GLRA2: variants seen among roughly 807,000 people sequenced by gnomAD.
The protein encoded by GLRA2 is glycine receptor subunit alpha-2.
In GLRA2, 11 loss-of-function variants were observed where a neutral mutation model predicts 31.6. The ratio of observed to expected loss-of-function variants is 0.35; its 90% CI spans 0.22 to 0.58. The LOEUF (loss-of-function observed/expected upper bound fraction) is 0.58, where lower values mean the gene tolerates loss of function less well. Ranked by LOEUF, GLRA2 falls within the 20% of genes least tolerant of loss-of-function variation. The pLI, the probability that GLRA2 is intolerant of heterozygous loss-of-function variation, is 0.84. For synonymous variants in GLRA2, 132 were observed against 134.0 expected, an observed-to-expected ratio of 0.99 and a Z score of 0.10; for missense variants, 212 against 351.8, an observed-to-expected ratio of 0.60 and a Z score of 3.18.
chrX:14,494,015 T>TA, the GLRA2 span, among the ~76,000 whole-genome samples: 2 of 110,731 alleles, frequency 1.8e-5, no homozygotes, highest in Non-Finnish European at 3.8e-5. Flanking sequence ...GAACTGCAAC[T>TA]ACACACAATA....
At position 14,630,238 on chromosome X, in the gene GLRA2, T is replaced by TC. The variant is rs2090629572; in HGVS notation, c.930+21038dup. ...TATAAAATATTAGATGGACCTTTTT[T>TC]CCCCCTAATAAGTAGCTTAAAGATG... On this transcript the variant is annotated intron_variant, in intron 7 of 8. Transcript: ENST00000218075. 4.5e-5 allele frequency among the ~76,000 whole-genome samples: 5 copies of TC among 111,943 alleles called. No homozygotes were observed. In the South Asian group the frequency reaches 1.8e-3, roughly 41 times the overall value.
At chrX:14,726,631 T>A (rs1379690482) in intron 8 of GLRA2, among the ~76,000 whole-genome samples, 1 of 112,465 alleles carries the variant, frequency 8.9e-6, no homozygotes, top group African/African-American at 3.2e-5. Context: ...GCCCCCACAG[T>A]TTGCATGACG....
chrX:14,530,788 C>T (rs1027904209), intron 1 of GLRA2, among the ~76,000 whole-genome samples: 4 of 111,522 alleles, frequency 3.6e-5, no homozygotes, highest in African/African-American at 1.3e-4. Context: ...CTTGCATTTT[C>T]TACATGGTTT....
At chrX:14,484,857 G>A in the GLRA2 span, among the ~76,000 whole-genome samples, 1 of 111,949 alleles carries the variant, frequency 8.9e-6, no homozygotes, top group African/African-American at 3.2e-5. Context: ...TTGGTCGACA[G>A]CAGCAGAGAG....
intron 3 of GLRA2, among the ~76,000 whole-genome samples, chrX:14,576,433 C>A (rs1475982298): frequency 9.0e-6 from 1 of 111,021 alleles, no homozygotes; most frequent in Non-Finnish European, 1.9e-5. Flanking sequence ...CCCCTCTTGG[C>A]TTTATCGTAA....
the GLRA2 span, among the ~76,000 whole-genome samples, chrX:14,484,716 T>G: frequency 3.6e-5 from 4 of 111,706 alleles, no homozygotes; most frequent in Non-Finnish European, 7.5e-5. Context: ...TGGACTTAGA[T>G]GTATAGAGGG....
chrX:14,685,791 G>A (rs1569521723), intron 7 of GLRA2, among the ~76,000 whole-genome samples: 1 of 111,472 alleles, frequency 9.0e-6, no homozygotes, highest in African/African-American at 3.3e-5. Context: ...TTTTTGAAGG[G>A]TTTTTTGTGT....
chrX:14,455,157 C>G, the GLRA2 span, among the ~76,000 whole-genome samples: 4 of 111,443 alleles, frequency 3.6e-5, no homozygotes, highest in African/African-American at 1.3e-4. Context: ...GAATGGCCTA[C>G]CAAAGATATA....
At chrX:14,474,247 G>T in the GLRA2 span, among the ~76,000 whole-genome samples, 1 of 111,286 alleles carries the variant, frequency 9.0e-6, no homozygotes, top group Non-Finnish European at 1.9e-5. Flanking sequence ...TCTCATGTAT[G>T]GTCAGATAAT....
intron 4 of GLRA2, among the ~76,000 whole-genome samples, chrX:14,592,540 C>T (rs1381572606): frequency 9.1e-6 from 1 of 110,429 alleles, no homozygotes; most frequent in African/African-American, 3.3e-5. Context: ...GGCTTGGTGG[C>T]GTGTGTTTGT....
chrX:14,614,978 A>G (rs768778854), intron 7 of GLRA2, among the ~76,000 whole-genome samples: 1 of 112,143 alleles, frequency 8.9e-6, no homozygotes, highest in South Asian at 3.7e-4. Flanking sequence ...AAGAGTCTCT[A>G]GACAGCATTT....
intron 7 of GLRA2, among the ~76,000 whole-genome samples, chrX:14,676,378 C>A (rs2091145980): frequency 8.9e-6 from 1 of 112,327 alleles, no homozygotes; most frequent in Non-Finnish European, 1.9e-5. Flanking sequence ...CTATGAATTT[C>A]ATTTTGTTTC....
intron 7 of GLRA2, among the ~76,000 whole-genome samples, chrX:14,633,897 C>G (rs2090679679): frequency 9.0e-6 from 1 of 111,569 alleles, no homozygotes; most frequent in Non-Finnish European, 1.9e-5. Flanking sequence ...GGTCCATCAC[C>G]CAACACATGG....
At chrX:14,599,353 T>C (rs1459982043) in intron 4 of GLRA2, among the ~76,000 whole-genome samples, 1 of 112,421 alleles carries the variant, frequency 8.9e-6, no homozygotes, top group African/African-American at 3.2e-5. Flanking sequence ...TGCTGGTCAA[T>C]GTCTGCCAGT....
Position 14,672,776 on chromosome X carries a change from A to G in GLRA2, c.931-17934A>G, listed in dbSNP as rs1414540286. ...CCTTTTCTTGTTTTCTCCTCCCCAC[A>G]TGGAACCTGGAGCGTGGTGGATGCC... On this transcript the variant is annotated intron_variant, in intron 7 of 8. Transcript: ENST00000218075. Among the ~76,000 whole-genome samples, 4 of 111,791 alleles carry G rather than the reference A, an allele frequency of 3.6e-5. No homozygotes were observed. The East Asian group carries it at 8.4e-4, about 24-fold the overall frequency.
intron 7 of GLRA2, among the ~76,000 whole-genome samples, chrX:14,667,956 T>G (rs2091051933): frequency 8.9e-6 from 1 of 112,230 alleles, no homozygotes; most frequent in Admixed American, 9.5e-5. Flanking sequence ...GGGTTAGGAA[T>G]CCAGGCACAA....
the GLRA2 span, among the ~76,000 whole-genome samples, chrX:14,493,063 G>A: frequency 1.8e-5 from 2 of 111,022 alleles, no homozygotes; most frequent in Non-Finnish European, 3.8e-5. Context: ...CCTGCCTAAA[G>A]GCCCTACATC....
chrX:14,592,778 C>G (rs1026255002), intron 4 of GLRA2, among the ~76,000 whole-genome samples: 1 of 112,509 alleles, frequency 8.9e-6, no homozygotes, highest in Non-Finnish European at 1.9e-5. Context: ...CCCTCTGATT[C>G]AATCACCAGG....
chrX:14,580,964 T>C (rs1366612266), intron 3 of GLRA2, among the ~76,000 whole-genome samples: 2 of 111,723 alleles, frequency 1.8e-5, no homozygotes, highest in Admixed American at 1.9e-4. Flanking sequence ...AGTCAACCCG[T>C]TTTATTGGTG....
Sources: gnomAD v4.1 joint callset for allele counts (sites outside exome capture counted in the v4.1 genomes callset) on GRCh38, gnomAD v4.1.1 for gene constraint, MANE v1.5 for transcripts, NCBI Gene and HGNC (gene_info 2026-07-23, HGNC 2026-07-21) for gene names.